Variants in MTUS2 observed in about 807,000 individuals in gnomAD.
The protein encoded by MTUS2 is microtubule associated scaffold protein 2.
MTUS2 carries 40 observed loss-of-function variants against 114.1 expected under a neutral mutation model. The observed-to-expected ratio is 0.35, with a 90% CI of 0.27 to 0.46. The LOEUF (loss-of-function observed/expected upper bound fraction) is 0.46, where lower values mean the gene tolerates loss of function less well. Ranked by LOEUF, MTUS2 falls within the 20% of genes least tolerant of loss-of-function variation. The pLI, the probability that MTUS2 is intolerant of heterozygous loss-of-function variation, is 1.00. For missense variants in MTUS2, 1,679 were observed against 1,705.4 expected (o/e 0.98, Z 0.27); for synonymous variants, 688 against 672.0 (o/e 1.02, Z -0.37).
chr13:29,027,041 A>G (rs1476769955), intron 3 of MTUS2, 138 bp downstream of exon 3: 1 of 927,672 alleles, frequency 1.1e-6, no homozygotes, highest in African/African-American at 1.7e-5. Flanking sequence ...GAAGAAATGG[A>G]GTTTTTGACT....
intron 9 of MTUS2, among the ~76,000 whole-genome samples, chr13:29,452,871 G>A (rs777019495): frequency 1.2e-4 from 18 of 152,310 alleles, no homozygotes; most frequent in Middle Eastern, 3.4e-3. Flanking sequence ...AACAGAGTCA[G>A]CTGCCTCCAC....
intron 2 of MTUS2, among the ~76,000 whole-genome samples, chr13:28,888,864 G>A (rs1175452400): frequency 2.0e-5 from 3 of 152,306 alleles, no homozygotes; most frequent in South Asian, 4.1e-4. Flanking sequence ...CCTTTGGGTT[G>A]CATCCTTTAC....
intron 2 of MTUS2, among the ~76,000 whole-genome samples, chr13:28,992,772 C>T (rs1006105103): frequency 8.5e-5 from 13 of 152,084 alleles, no homozygotes; most frequent in African/African-American, 3.1e-4. Flanking sequence ...TTCTGTCTTA[C>T]CCATTTTTAA....
At chr13:29,456,130 CAGGT>C (rs1219969209) in intron 9 of MTUS2, among the ~76,000 whole-genome samples, 2 of 152,068 alleles carry the variant, frequency 1.3e-5, no homozygotes, top group African/African-American at 4.8e-5. Context: ...TATGAGTAAA[CAGGT>C]AGAGAAGCAC....
At chr13:28,886,381 G>C (rs1424528453) in intron 2 of MTUS2, among the ~76,000 whole-genome samples, 2 of 152,110 alleles carry the variant, frequency 1.3e-5, no homozygotes, top group African/African-American at 4.8e-5. Context: ...TAGAGACCTG[G>C]GTCTAGGGTT....
intron 5 of MTUS2, among the ~76,000 whole-genome samples, chr13:29,113,686 A>G (rs1354986700): frequency 6.6e-6 from 1 of 152,036 alleles, no homozygotes; most frequent in Non-Finnish European, 1.5e-5. Flanking sequence ...TTTTTTAAAG[A>G]TATAACAATA....
chr13:28,973,936 G>GGCA, intron 2 of MTUS2, among the ~76,000 whole-genome samples: 1 of 152,222 alleles, frequency 6.6e-6, no homozygotes, highest in African/African-American at 2.4e-5. Flanking sequence ...GGGTGAAAAT[G>GGCA]TAGGTGCCTT....
At chr13:28,908,976 G>A (rs1371074677) in intron 2 of MTUS2, among the ~76,000 whole-genome samples, 2 of 151,468 alleles carry the variant, frequency 1.3e-5, no homozygotes, top group African/African-American at 4.9e-5. Flanking sequence ...TTTTTGTCAG[G>A]TTTGTCAAAG....
intron 5 of MTUS2, among the ~76,000 whole-genome samples, chr13:29,157,424 T>C (rs574537374): frequency 6.6e-6 from 1 of 152,318 alleles, no homozygotes; most frequent in South Asian, 2.1e-4. Flanking sequence ...TGAGTAAATA[T>C]TCATGGGTCT....
chr13:28,893,082 G>C (rs868106017), intron 2 of MTUS2, among the ~76,000 whole-genome samples: 2 of 152,100 alleles, frequency 1.3e-5, no homozygotes, highest in Non-Finnish European at 1.5e-5. Flanking sequence ...AACCTTGGAG[G>C]GTTCATTTTC....
At chr13:28,821,509 C>T (rs1331259274) in intron 1 of MTUS2, among the ~76,000 whole-genome samples, 4 of 152,240 alleles carry the variant, frequency 2.6e-5, no homozygotes, top group East Asian at 3.9e-4. Flanking sequence ...CTTTCCCTTC[C>T]CTTTCCCCAG....
chr13:29,042,328 G>A (rs1179166862), intron 4 of MTUS2, among the ~76,000 whole-genome samples: 2 of 152,110 alleles, frequency 1.3e-5, no homozygotes, highest in African/African-American at 4.8e-5. Flanking sequence ...ACTTGATCAT[G>A]GAGGATTACC....
intron 10 of MTUS2, among the ~76,000 whole-genome samples, chr13:29,485,827 C>G (rs1430428397): frequency 6.6e-6 from 1 of 150,492 alleles, no homozygotes; most frequent in Non-Finnish European, 1.5e-5. Flanking sequence ...CACTCATGAT[C>G]ATTTGTGTAA....
intron 4 of MTUS2, among the ~76,000 whole-genome samples, chr13:29,048,310 C>T (rs1462500466): frequency 1.3e-5 from 2 of 151,998 alleles, no homozygotes; most frequent in African/African-American, 4.8e-5. Context: ...TTTAACTGTC[C>T]CTGTCTAGTA....
intron 6 of MTUS2, among the ~76,000 whole-genome samples, chr13:29,293,236 C>A (rs187633295): frequency 4.6e-5 from 7 of 151,976 alleles, no homozygotes; most frequent in African/African-American, 1.4e-4. Context: ...TTAAACAACC[C>A]CTGAAAATCA....
At chr13:29,491,089 TG>T (rs1297458813) in intron 11 of MTUS2, among the ~76,000 whole-genome samples, 28 of 149,056 alleles carry the variant, frequency 1.9e-4, no homozygotes, top group Admixed American at 1.2e-3. Context: ...GTGTGTGGTA[TG>T]TGTGCGGGTG....
At chr13:29,451,701 C>T (rs1878695757) in intron 9 of MTUS2, among the ~76,000 whole-genome samples, 2 of 152,082 alleles carry the variant, frequency 1.3e-5, no homozygotes, top group South Asian at 4.2e-4. Flanking sequence ...TCTCCTGCCT[C>T]AGCCTCCCAA....
intron 5 of MTUS2, among the ~76,000 whole-genome samples, chr13:29,153,704 T>C (rs566992894): frequency 2.6e-5 from 4 of 152,046 alleles, no homozygotes; most frequent in African/African-American, 9.7e-5. Context: ...TCCCCAGACC[T>C]CCTCAATTCT....
rs1882539013 is a variant in MTUS2, at chr13:29,496,113, G to A, written c.3580-1125G>A. Among the ~76,000 whole-genome samples, 1 of 152,314 alleles carries A rather than the reference G, an allele frequency of 6.6e-6. No individual in the cohort carries two copies. The highest frequency in any genetic ancestry group is 1.9e-4 in the East Asian group (1 of 5,178). On this transcript the variant is annotated intron_variant, in intron 12 of 15. Transcript: ENST00000612955. The surrounding 1 kb of genome is among the most constrained non-coding windows in gnomAD (Gnocchi z 4.3). ...CATCAGTGGTCCTTTCCCAGCCTGT[G>A]GTCCTGAGAGTCATGGCCAGAGCTG...
Sources: gnomAD v4.1 joint callset for allele counts (sites outside exome capture counted in the v4.1 genomes callset) on GRCh38, gnomAD v4.1.1 for gene constraint, Gnocchi (gnomAD v3.1) non-coding constraint, MANE v1.5 for transcripts, NCBI Gene and HGNC (gene_info 2026-07-23, HGNC 2026-07-21) for gene names.